Variants in OPCML observed in about 807,000 individuals in gnomAD.
The protein encoded by OPCML is opioid binding protein/cell adhesion molecule like.
Under a neutral mutation model 37.8 loss-of-function variants are expected in OPCML, and 13 were observed. The observed-to-expected ratio is 0.34, with a 90% CI of 0.22 to 0.55. The LOEUF (loss-of-function observed/expected upper bound fraction) is 0.55, where lower values mean the gene tolerates loss of function less well. OPCML is among the 20% of genes least tolerant of loss of function. OPCML has a pLI of 0.91. For synonymous variants in OPCML, 176 were observed against 168.8 expected (o/e 1.04, Z -0.33); for missense variants, 341 against 435.6 (o/e 0.78, Z 1.93).
intron 4 of OPCML, among the ~76,000 whole-genome samples, chr11:132,470,499 T>C (rs1385706507): frequency 6.6e-6 from 1 of 152,154 alleles, no homozygotes. Flanking sequence ...ATTTGAGATA[T>C]CTACTAGACA....
chr11:132,555,965 G>T (rs1449787461), intron 3 of OPCML, among the ~76,000 whole-genome samples: 1 of 151,910 alleles, frequency 6.6e-6, no homozygotes, highest in Non-Finnish European at 1.5e-5. Flanking sequence ...TTGAGACAGG[G>T]TCTCCTTCTG....
At chr11:133,103,465 A>C (rs1949114579) in intron 1 of OPCML, among the ~76,000 whole-genome samples, 1 of 152,252 alleles carries the variant, frequency 6.6e-6, no homozygotes. Flanking sequence ...GTTGCAGCAG[A>C]GTTAGTGAGG....
intron 2 of OPCML, among the ~76,000 whole-genome samples, chr11:132,815,192 C>T (rs997580003): frequency 6.6e-6 from 1 of 152,174 alleles, no homozygotes; most frequent in Admixed American, 6.5e-5. Flanking sequence ...CCATGAGTCA[C>T]CTTTCTAAAA....
At chr11:132,931,638 G>T (rs547236959) in intron 2 of OPCML, among the ~76,000 whole-genome samples, 1 of 152,212 alleles carries the variant, frequency 6.6e-6, no homozygotes, top group East Asian at 1.9e-4. Flanking sequence ...CACTATTAAT[G>T]AAAATAATAG....
Position 133,174,317 on chromosome 11 carries a change from T to C in OPCML, c.62-231307A>G, listed in dbSNP as rs542814379. On this transcript the variant is annotated intron_variant, in intron 1 of 7. Coordinates refer to ENST00000524381, the MANE Select transcript of OPCML (RefSeq NM_001012393.5). This position sits in a 1 kb window ranked among gnomAD's most constrained non-coding sequence, Gnocchi z 4.6. Reference sequence around the variant, plus strand: ...GGAGAGAGAGGACAGGGGCCTCGCATGAACCTAGGTTCCAGGTCAGATGAA... The same window carrying C: ...GGAGAGAGAGGACAGGGGCCTCGCACGAACCTAGGTTCCAGGTCAGATGAA... 6.6e-6 allele frequency among the ~76,000 whole-genome samples: 1 copy of C among 152,308 alleles called. No individual in the cohort carries two copies. Among genetic ancestry groups the C allele is most frequent in the Non-Finnish European group, 1.5e-5 (1 of 68,034 alleles).
At chr11:132,629,988 T>C (rs1023565222) in intron 3 of OPCML, among the ~76,000 whole-genome samples, 1 of 152,208 alleles carries the variant, frequency 6.6e-6, no homozygotes, top group Non-Finnish European at 1.5e-5. Flanking sequence ...TAAAAGGTCA[T>C]TTTTCAATGA....
chr11:133,265,631 T>G (rs1298238372), intron 1 of OPCML, among the ~76,000 whole-genome samples: 1 of 152,184 alleles, frequency 6.6e-6, no homozygotes, highest in African/African-American at 2.4e-5. Context: ...AAGCCAGTGT[T>G]GGGGCTGTGT....
chr11:132,979,083 C>T (rs1039467751), intron 1 of OPCML, among the ~76,000 whole-genome samples: 7 of 152,270 alleles, frequency 4.6e-5, no homozygotes, highest in East Asian at 1.9e-4. Context: ...ATCTCATACC[C>T]GGCCCATCAA....
intron 2 of OPCML, among the ~76,000 whole-genome samples, chr11:132,791,995 T>A (rs1937946730): frequency 6.6e-6 from 1 of 152,190 alleles, no homozygotes. Flanking sequence ...GAAAGAGCTA[T>A]GAATAAAAGC....
intron 2 of OPCML, among the ~76,000 whole-genome samples, chr11:132,790,004 T>G (rs1937788183): frequency 6.6e-6 from 1 of 152,172 alleles, no homozygotes; most frequent in Non-Finnish European, 1.5e-5. Flanking sequence ...GGTTCAAACT[T>G]CTTCATAAGT....
chr11:132,820,711 A>T (rs527625361), intron 2 of OPCML, among the ~76,000 whole-genome samples: 3 of 152,186 alleles, frequency 2.0e-5, no homozygotes, highest in African/African-American at 4.8e-5. Flanking sequence ...TTGAAGCTGT[A>T]TCTCAGGCAG....
chr11:132,501,088 C>A (rs987836591), intron 4 of OPCML, among the ~76,000 whole-genome samples: 4 of 143,020 alleles, frequency 2.8e-5, no homozygotes, highest in Admixed American at 2.8e-4. Flanking sequence ...GATTGCTGGG[C>A]CAAATGGTAT....
At chr11:132,705,625 G>T (rs1939510) in intron 2 of OPCML, among the ~76,000 whole-genome samples, 64,559 of 151,634 alleles carry the variant, frequency 0.43, 13,991 homozygotes, top group Admixed American at 0.5. Flanking sequence ...AAAATTGTAC[G>T]GCAATTCCCC....
chr11:133,232,166 C>G (rs1940307979), intron 1 of OPCML, among the ~76,000 whole-genome samples: 1 of 152,064 alleles, frequency 6.6e-6, no homozygotes, highest in Admixed American at 6.5e-5. Context: ...CTTTGTGAAC[C>G]CAGCCCCAGT....
chr11:132,983,702 G>A lies in OPCML; in HGVS notation c.62-40692C>T, dbSNP rs936725219. Reference sequence around the variant, plus strand: ...CTTCCCTGTCTCCCATATCATCCAGGAAAGTTATTTATTTATACGGAGTAC... The same window carrying A: ...CTTCCCTGTCTCCCATATCATCCAGAAAAGTTATTTATTTATACGGAGTAC... On this transcript the variant is annotated intron_variant, in intron 1 of 7. Coordinates refer to ENST00000524381, the MANE Select transcript of OPCML (RefSeq NM_001012393.5). Among the ~76,000 whole-genome samples the A allele has an allele frequency of 4.6e-5, 7 of 152,152 alleles. 1 individual carries two copies. Among genetic ancestry groups the A allele is most frequent in the South Asian group, 4.1e-4 (2 of 4,820 alleles).
chr11:132,445,159 C>G (rs2096050601), intron 4 of OPCML, among the ~76,000 whole-genome samples: 1 of 152,186 alleles, frequency 6.6e-6, no homozygotes, highest in African/African-American at 2.4e-5. Context: ...TGGCTAATCA[C>G]AAGATCAATG....
intron 4 of OPCML, among the ~76,000 whole-genome samples, chr11:132,516,575 C>T (rs1009499089): frequency 6.6e-6 from 1 of 152,122 alleles, no homozygotes; most frequent in Non-Finnish European, 1.5e-5. Flanking sequence ...AACCTAAGGA[C>T]AGAGAGATGC....
chr11:133,036,745 T>C (rs1439829996), intron 1 of OPCML, among the ~76,000 whole-genome samples: 2 of 152,238 alleles, frequency 1.3e-5, no homozygotes, highest in Non-Finnish European at 2.9e-5. Flanking sequence ...AAAGTTGACA[T>C]TGATTCAGGA....
intron 3 of OPCML, among the ~76,000 whole-genome samples, chr11:132,619,089 A>G (rs867499848): frequency 3.1e-4 from 47 of 152,112 alleles, no homozygotes; most frequent in African/African-American, 1.1e-3. Context: ...AGCTCTCACC[A>G]TAGCTATCTC....
Sources: gnomAD v4.1 joint callset for allele counts (sites outside exome capture counted in the v4.1 genomes callset) on GRCh38, gnomAD v4.1.1 for gene constraint, Gnocchi (gnomAD v3.1) non-coding constraint, MANE v1.5 for transcripts, NCBI Gene and HGNC (gene_info 2026-07-23, HGNC 2026-07-21) for gene names.